The following OSBPL10 variants were observed in gnomAD, a reference collection of about 807,000 sequenced individuals.
OSBPL10 encodes oxysterol-binding protein-related protein 10.
OSBPL10 carries 49 observed loss-of-function variants against 81.7 expected under a neutral mutation model. The ratio of observed to expected loss-of-function variants is 0.60; its 90% CI spans 0.48 to 0.76. The LOEUF (loss-of-function observed/expected upper bound fraction) is 0.76. Ranked by LOEUF, OSBPL10 falls within the 30% of genes least tolerant of loss-of-function variation. The probability of loss-of-function intolerance (pLI) is 0.00; values close to 1 mark genes in which losing one functional copy is unlikely to be tolerated. For missense variants in OSBPL10, 923 were observed against 987.8 expected (o/e 0.93, Z 0.88); for synonymous variants, 419 against 383.6 (o/e 1.09, Z -1.08).
chr3:31,786,835 T>C (rs1229496856), intron 4 of OSBPL10, among the ~76,000 whole-genome samples: 2 of 152,210 alleles, frequency 1.3e-5, no homozygotes, highest in African/African-American at 4.8e-5. Context: ...AACTCTCAGT[T>C]ACTACGAGCT....
At chr3:31,680,572 C>T (rs952940063) in intron 8 of OSBPL10, among the ~76,000 whole-genome samples, 3 of 152,224 alleles carry the variant, frequency 2.0e-5, no homozygotes, top group African/African-American at 7.2e-5. Flanking sequence ...CTGGACTCAT[C>T]CGGGGTCTGC....
At chr3:32,008,377 T>C (rs1451803977) in intron 2 of OSBPL10, among the ~76,000 whole-genome samples, 1 of 151,792 alleles carries the variant, frequency 6.6e-6, no homozygotes, top group African/African-American at 2.4e-5. Context: ...GGTCTCAAAC[T>C]CCTGACATCA....
chr3:32,045,145 G>C (rs978274979), intron 2 of OSBPL10, among the ~76,000 whole-genome samples: 2 of 152,220 alleles, frequency 1.3e-5, no homozygotes, highest in Non-Finnish European at 2.9e-5. Flanking sequence ...CCATGAGCTA[G>C]TGTGAATGAG....
upstream of OSBPL10, among the ~76,000 whole-genome samples, chr3:31,984,590 G>C (rs1275354340): frequency 2.0e-5 from 3 of 152,124 alleles, no homozygotes; most frequent in African/African-American, 7.2e-5. Context: ...CAATAGTGGT[G>C]TTATCTATAG....
intron 2 of OSBPL10, among the ~76,000 whole-genome samples, chr3:31,998,997 A>G (rs1699118633): frequency 6.6e-6 from 1 of 152,244 alleles, no homozygotes; most frequent in Admixed American, 6.5e-5. Context: ...GTCGAAGAAG[A>G]TGTGTAAAAG....
chr3:31,965,302 A>G (rs1230880256), intron 1 of OSBPL10, among the ~76,000 whole-genome samples: 2 of 147,298 alleles, frequency 1.4e-5, no homozygotes, highest in African/African-American at 2.5e-5. Context: ...CCCAGGAGGC[A>G]GAGCTTGCAG....
At chr3:31,706,120 A>G (rs1172064865) in intron 6 of OSBPL10, among the ~76,000 whole-genome samples, 1 of 152,244 alleles carries the variant, frequency 6.6e-6, no homozygotes, top group East Asian at 1.9e-4. Flanking sequence ...ATGGTGCTAC[A>G]AAAATCAAGC....
intron 4 of OSBPL10, among the ~76,000 whole-genome samples, chr3:31,779,345 C>T (rs928491894): frequency 6.6e-6 from 1 of 152,078 alleles, no homozygotes; most frequent in Non-Finnish European, 1.5e-5. Context: ...TAAGGGCTGA[C>T]ATAAACTCAA....
At chr3:32,045,071 T>C (rs964651159) in intron 2 of OSBPL10, among the ~76,000 whole-genome samples, 7 of 152,190 alleles carry the variant, frequency 4.6e-5, no homozygotes, top group African/African-American at 1.7e-4. Flanking sequence ...ACCCACATTT[T>C]TTGTTGTTGG....
intron 10 of OSBPL10, among the ~76,000 whole-genome samples, chr3:31,665,555 G>T (rs1470703360): frequency 6.6e-6 from 1 of 152,152 alleles, no homozygotes; most frequent in Non-Finnish European, 1.5e-5. Flanking sequence ...ACCTCCTGGG[G>T]GTACAGATGC....
intron 1 of OSBPL10, among the ~76,000 whole-genome samples, chr3:31,918,440 T>G (rs1696818656): frequency 6.6e-6 from 1 of 152,012 alleles, no homozygotes; most frequent in African/African-American, 2.4e-5. Context: ...ACGATCCTCC[T>G]GCCTCAGCCT....
At chr3:31,895,156 C>T (rs1396702730) in intron 1 of OSBPL10, among the ~76,000 whole-genome samples, 3 of 104,858 alleles carry the variant, frequency 2.9e-5, no homozygotes, top group African/African-American at 4.9e-5. Flanking sequence ...TTTTTTTAGA[C>T]GGAGTCTCAC....
At chr3:31,703,334 C>T (rs914486444) in intron 6 of OSBPL10, among the ~76,000 whole-genome samples, 2 of 152,166 alleles carry the variant, frequency 1.3e-5, no homozygotes, top group Non-Finnish European at 2.9e-5. Context: ...CCACATTTAC[C>T]TATGTTCTTA....
intron 4 of OSBPL10, among the ~76,000 whole-genome samples, chr3:31,784,970 T>C (rs763899378): frequency 6.6e-6 from 1 of 152,138 alleles, no homozygotes; most frequent in Non-Finnish European, 1.5e-5. Flanking sequence ...CTGGAACCTC[T>C]GTCTCCCAGG....
At chr3:31,969,669 A>T (rs1389044856) in intron 1 of OSBPL10, 1 of 152,184 alleles carries the variant, frequency 6.6e-6, no homozygotes, top group Non-Finnish European at 1.5e-5. Flanking sequence ...CCTGGCCAAC[A>T]TGGTGGAAAC....
chr3:31,706,396 C>T (rs183624944), intron 6 of OSBPL10, among the ~76,000 whole-genome samples: 23 of 152,288 alleles, frequency 1.5e-4, no homozygotes, highest in African/African-American at 5.1e-4. Flanking sequence ...AGGGTCTCTG[C>T]CCCTTCGCTG....
At chr3:31,942,109 C>T (rs1371442099) in intron 1 of OSBPL10, among the ~76,000 whole-genome samples, 1 of 151,974 alleles carries the variant, frequency 6.6e-6, no homozygotes, top group South Asian at 2.1e-4. Flanking sequence ...CCCGTCTCTA[C>T]TAAAAATACA....
chr3:31,924,028 C>T (rs1286038717), intron 1 of OSBPL10, among the ~76,000 whole-genome samples: 1 of 151,834 alleles, frequency 6.6e-6, no homozygotes, highest in Non-Finnish European at 1.5e-5. Flanking sequence ...ACCAGCCTGG[C>T]CAACATAGTG....
At chr3:31,834,776 T>G (rs971733190) in intron 3 of OSBPL10, among the ~76,000 whole-genome samples, 1 of 152,136 alleles carries the variant, frequency 6.6e-6, no homozygotes, top group Non-Finnish European at 1.5e-5. Context: ...CACTGGACCA[T>G]CCACAGGCCC....
Sources: allele counts gnomAD v4.1 joint callset (sites outside exome capture counted in the v4.1 genomes callset), GRCh38; gene constraint gnomAD v4.1.1; transcripts MANE v1.5; gene names NCBI Gene and HGNC (gene_info 2026-07-23, HGNC 2026-07-21).